The following REXO1 variants were observed in gnomAD, a reference collection of about 807,000 sequenced individuals.
REXO1 encodes RNA exonuclease 1 homolog.
REXO1 carries 42 observed loss-of-function variants against 102.6 expected under a neutral mutation model. The ratio of observed to expected loss-of-function variants is 0.41; its 90% CI spans 0.32 to 0.53. REXO1 has a LOEUF of 0.53. REXO1 is among the 20% of genes least tolerant of loss of function. The pLI is 0.27. For missense variants in REXO1, 1,819 were observed against 1,732.5 expected (o/e 1.05, Z -0.89); for synonymous variants, 908 against 779.1 (o/e 1.17, Z -2.76).
At chr19:1,838,804 T>C (rs1007684448) in intron 1 of REXO1, among the ~76,000 whole-genome samples, 3 of 152,048 alleles carry the variant, frequency 2.0e-5, no homozygotes, top group African/African-American at 7.2e-5. Context: ...ACTTTCATGG[T>C]CCACACAGAG....
In REXO1 at chr19:1,816,882, T is replaced by G. The variant is rs1192749416; in HGVS notation, c.3202-69A>C. The G allele has an allele frequency of 5.0e-6, 6 of 1,196,858 alleles. No individual in the cohort carries two copies. The Admixed American group carries it at 7.3e-5, about 15-fold the overall frequency. 74.1% of individuals were successfully genotyped at this position (1,196,858 alleles called of 1,614,324 possible). The stretch of plus-strand genomic sequence containing the variant: ...CTCCCTCCCTCCCCTTCCCTGCCCC[T>G]TTGAGTCTCCAGAGCCCCTCCAGGC... On this transcript the variant is annotated intron_variant, in intron 12 of 15. Coordinates refer to ENST00000170168, the MANE Select transcript of REXO1 (RefSeq NM_020695.4).
chr19:1,816,588 G>A lies in REXO1; in HGVS notation c.3318-19C>T. 1.9e-6 allele frequency: 3 copies of A among 1,606,560 alleles called. No homozygotes were observed. Among genetic ancestry groups the A allele is most frequent in the African/African-American group, 1.3e-5 (1 of 74,490 alleles). On this transcript the variant is annotated intron_variant, in intron 13 of 15. Transcript: ENST00000170168. ...CGAAAACCTGGGGGAACGGGCAGGA[G>A]GGGCACCAGGGCTCAGCCTGGAAGC...
chr19:1,820,129 A>C, intron 6 of REXO1, 72 bp from the exon 7 acceptor site: 1 of 1,570,912 alleles, frequency 6.4e-7, no homozygotes, highest in Non-Finnish European at 8.6e-7. Context: ...TGGGGTCGCC[A>C]TGGGGTCGGG....
intron 4 of REXO1, chr19:1,823,343 G>C: frequency 2.5e-6 from 1 of 395,820 alleles, no homozygotes; most frequent in Non-Finnish European, 4.4e-6. Context: ...TGGACTCCTA[G>C]TAACCCCGGA....
At chr19:1,822,328 C>G (rs1434020685) in intron 4 of REXO1, 1 of 158,000 alleles carries the variant, frequency 6.3e-6, no homozygotes, top group Non-Finnish European at 1.4e-5. Flanking sequence ...CAGGATGAGT[C>G]TGCTCATGCT....
intron 1 of REXO1, among the ~76,000 whole-genome samples, chr19:1,842,367 CT>C (rs2011324678): frequency 6.6e-6 from 1 of 152,284 alleles, no homozygotes; most frequent in Non-Finnish European, 1.5e-5. Context: ...AGCAGTGCCC[CT>C]GGCCTCTGCC....
Position 1,819,983 on chromosome 19 carries a change from G to A in REXO1, c.2601C>T (p.Thr867=), listed in dbSNP as rs761482219. The change falls in exon 7 of 16, where the codon ACC becomes ACT. Residue 867 remains threonine, a synonymous_variant. Transcript: ENST00000170168. ...KNIYLNVAVN[T]LKKLRGLAPS... is the part of the protein sequence containing the mutation. ...GGGCCAGGCCCCTGAGCTTCTTGAGGGTGTTCACGGCCACATTCAGGTAGA... is the reference window on the plus strand; with the variant it reads ...GGGCCAGGCCCCTGAGCTTCTTGAGAGTGTTCACGGCCACATTCAGGTAGA... 2 of 1,596,584 alleles carry A rather than the reference G, an allele frequency of 1.3e-6. No individual in the cohort carries two copies. Among genetic ancestry groups the A allele is most frequent in the Non-Finnish European group, 1.7e-6 (2 of 1,174,634 alleles).
In REXO1 at chr19:1,828,129, C is replaced by T. The variant is rs2069796396; in HGVS notation, c.660G>A (p.Lys220=). 7 of 1,612,384 alleles carry T rather than the reference C, an allele frequency of 4.3e-6. No individual in the cohort carries two copies. Among genetic ancestry groups the T allele is most frequent in the South Asian group, 2.2e-5 (2 of 90,992 alleles). The change falls in exon 2 of 16, where the codon AAG becomes AAA. Residue 220 remains lysine, a synonymous_variant. Transcript: ENST00000170168. ...RRHSRPVPSG[K]YVVDNSRPPT... ...GTGGCCTGGAGTTGTCCACCACGTA[C>T]TTGCCACTGGGAACGGGGCGGCTGT... is the stretch of plus-strand genomic sequence containing the variant.
rs765938988 is a variant in REXO1 at position 1,819,041 on chromosome 19, C to T, written c.2741G>A (p.Ser914Asn). Residue 914 changes from serine to asparagine, a missense_variant, in exon 8 of 16, where the codon AGC becomes AAC. By Grantham distance (46) the Ser-to-Asn change is conservative. Transcript: ENST00000170168. ...ACCTTTCAGGTCCTCCACCCGGGGGCTGCTTGGACGGCTGAGCGAGAAGCT... is the reference window on the plus strand; with the variant it reads ...ACCTTTCAGGTCCTCCACCCGGGGGTTGCTTGGACGGCTGAGCGAGAAGCT... ...KTSFSLSRPS[S>N]PRVEDLKGAA... 1.7e-5 allele frequency: 27 copies of T among 1,602,262 alleles called. No individual in the cohort carries two copies. In the East Asian group the frequency reaches 5.8e-4, roughly 35 times the overall value.
chr19:1,816,530 A>G lies in REXO1; in HGVS notation c.3357T>C (p.Ser1119=), dbSNP rs377261566. Residue 1119 remains serine (S), a synonymous_variant, in exon 14 of 16, where the codon AGT becomes AGC. Coordinates refer to ENST00000170168, the MANE Select transcript of REXO1 (RefSeq NM_020695.4). ...GVTEADLADT[S]VTLRDVQAVL... is the part of the protein sequence containing the mutation. ...CGGCCTGGACGTCACGCAGCGTGAC[A>G]CTTGTGTCGGCAAGGTCAGCCTCCG... The G allele has an allele frequency of 2.9e-5, 47 of 1,609,850 alleles. No homozygotes were observed. Among genetic ancestry groups the G allele is most frequent in the Non-Finnish European group, 3.6e-5 (43 of 1,178,716 alleles).
intron 1 of REXO1, among the ~76,000 whole-genome samples, chr19:1,841,173 A>G (rs1030768058): frequency 6.8e-6 from 1 of 148,094 alleles, no homozygotes; most frequent in Admixed American, 6.8e-5. Context: ...AGGCTCAGGG[A>G]CCCCCAGGAT....
chr19:1,823,822 C>T (rs764357930), intron 3 of REXO1, 37 bp from the exon 4 acceptor site: 8 of 1,055,196 alleles, frequency 7.6e-6, no homozygotes, highest in South Asian at 4.7e-5. Flanking sequence ...GGCAGCACAG[C>T]GGGGGCACCT....
chr19:1,837,593 C>T lies in REXO1; in HGVS notation c.158-8962G>A, dbSNP rs1481699007. Among the ~76,000 whole-genome samples, 3 of 152,334 alleles carry T rather than the reference C, an allele frequency of 2.0e-5. No homozygotes were observed. The East Asian group carries it at 5.8e-4, about 29-fold the overall frequency. ...CCAAGGTGGCCCAGCTCTGCCCCACCCCCCACACCAGACTCCACCCAGGTC... is the reference window on the plus strand; with the variant it reads ...CCAAGGTGGCCCAGCTCTGCCCCACTCCCCACACCAGACTCCACCCAGGTC... On this transcript the variant is annotated intron_variant, in intron 1 of 15. Coordinates refer to ENST00000170168, the MANE Select transcript of REXO1 (RefSeq NM_020695.4).
intron 3 of REXO1, among the ~76,000 whole-genome samples, chr19:1,824,895 C>T (rs187136279): frequency 0.021 from 3,141 of 152,116 alleles, 58 homozygotes; most frequent in Middle Eastern, 0.048. Context: ...AAGCAATTCT[C>T]CTGCCTCAGC....
At chr19:1,831,167 G>A (rs1028236900) in intron 1 of REXO1, among the ~76,000 whole-genome samples, 2 of 152,220 alleles carry the variant, frequency 1.3e-5, no homozygotes, top group South Asian at 2.1e-4. Context: ...CAAGAGGGAC[G>A]TGAATGCTGA....
rs772345521 is a variant in REXO1, at chr19:1,828,608, G to A, written c.181C>T (p.Pro61Ser). The change falls in exon 2 of 16, where the codon CCT becomes TCT. Residue 61 changes from proline to serine, a missense_variant. Pro to Ser is a moderately conservative substitution (Grantham distance 74). Coordinates refer to ENST00000170168, the MANE Select transcript of REXO1 (RefSeq NM_020695.4). ...AAGLGYDPYN[P>S]ELPKPPAQRE... ...TGCGCGGGGGGCTTGGGCAGCTCAG[G>A]GTTGTAGGGGTCGTAACCCAGCCCT... The A allele has an allele frequency of 2.3e-5, 37 of 1,601,236 alleles. No homozygotes were observed. The highest frequency in any genetic ancestry group is 2.6e-5 in the Non-Finnish European group (31 of 1,179,504).
chr19:1,818,945 G>A (rs1461613028), intron 8 of REXO1, 73 bp downstream of exon 8: 29 of 1,570,292 alleles, frequency 1.8e-5, no homozygotes, highest in South Asian at 8.0e-5. Flanking sequence ...ACGAAGCACC[G>A]TGTGGCACAG....
rs1454697904 is a variant in REXO1, at chr19:1,827,528, T to C, written c.1261A>G (p.Ser421Gly). 18 of 1,584,900 alleles carry C rather than the reference T, an allele frequency of 1.1e-5. No homozygotes were observed. The highest frequency in any genetic ancestry group is 1.4e-5 in the Non-Finnish European group (17 of 1,174,128). ...CGCTCTGCCTTGCGCCGGGGGCTGC[T>C]GGCCTGCGGGCCCTTCTTGTCCGCA... ...PRADKKGPQASSPRRKAERPE... is the reference protein window; with the variant it reads ...PRADKKGPQAGSPRRKAERPE... The change falls in exon 2 of 16, where the codon AGC becomes GGC. Residue 421 changes from serine to glycine, a missense_variant. Coordinates refer to ENST00000170168, the MANE Select transcript of REXO1 (RefSeq NM_020695.4).
chr19:1,817,108 A>T, intron 12 of REXO1, 111 bp downstream of exon 12: 1 of 1,316,254 alleles, frequency 7.6e-7, no homozygotes, highest in Non-Finnish European at 1.0e-6. Context: ...TGCGAGAGAA[A>T]CCCTGAGCGC....
Sources: gnomAD v4.1 joint callset for allele counts (sites outside exome capture counted in the v4.1 genomes callset) on GRCh38, gnomAD v4.1.1 for gene constraint, MANE v1.5 for transcripts, NCBI Gene and HGNC (gene_info 2026-07-23, HGNC 2026-07-21) for gene names.